The following ADAMTS20 variants were observed in gnomAD, a reference collection of about 807,000 sequenced individuals.
ADAMTS20 encodes ADAM metallopeptidase with thrombospondin type 1 motif 20, also known as A disintegrin and metalloproteinase with thrombospondin motifs 20.
ADAMTS20 carries 225 observed loss-of-function variants against 260.1 expected under a neutral mutation model. The ratio of observed to expected loss-of-function variants is 0.87; its 90% CI spans 0.78 to 0.97. The LOEUF (loss-of-function observed/expected upper bound fraction) is 0.97, where lower values mean the gene tolerates loss of function less well. Ranked by LOEUF, ADAMTS20 falls within the 50% of genes least tolerant of loss-of-function variation. ADAMTS20 has a pLI of 0.00. For synonymous variants in ADAMTS20, 802 were observed against 769.5 expected (o/e 1.04, Z -0.70); for missense variants, 2,400 against 2,337.7 (o/e 1.03, Z -0.55).
intron 29 of ADAMTS20, among the ~76,000 whole-genome samples, chr12:43,389,186 C>G (rs10880481): frequency 0.25 from 37,798 of 152,108 alleles, 5,301 homozygotes; most frequent in African/African-American, 0.38. Flanking sequence ...AGTCCAGACT[C>G]TCATCTCAGT....
At chr12:43,371,058 T>G in intron 36 of ADAMTS20, among the ~76,000 whole-genome samples, 1 of 152,222 alleles carries the variant, frequency 6.6e-6, no homozygotes, top group East Asian at 1.9e-4. Flanking sequence ...TTCAATTGTA[T>G]AGTTTAGTAT....
intron 2 of ADAMTS20, among the ~76,000 whole-genome samples, chr12:43,536,139 A>T (rs1281749002): frequency 3.3e-5 from 5 of 152,094 alleles, no homozygotes; most frequent in Non-Finnish European, 4.4e-5. Context: ...AATAATAATT[A>T]TTTAAAGTAA....
chr12:43,357,018 A>G (rs1416570265), intron 37 of ADAMTS20, among the ~76,000 whole-genome samples: 1 of 152,208 alleles, frequency 6.6e-6, no homozygotes, highest in Non-Finnish European at 1.5e-5. Context: ...TAAACACCAG[A>G]AACAGCGTGC....
At chr12:43,356,004 T>C (rs1369990360) in intron 38 of ADAMTS20, among the ~76,000 whole-genome samples, 1 of 152,004 alleles carries the variant, frequency 6.6e-6, no homozygotes, top group Non-Finnish European at 1.5e-5. Context: ...TTGAAAAAAC[T>C]GTGAAGAATA....
At chr12:43,483,109 C>T (rs1160983324) in intron 7 of ADAMTS20, among the ~76,000 whole-genome samples, 1 of 152,182 alleles carries the variant, frequency 6.6e-6, no homozygotes, top group African/African-American at 2.4e-5. Context: ...CTTCCACCTC[C>T]ATCAGAGCTG....
At chr12:43,416,697 T>C (rs916143349) in intron 28 of ADAMTS20, among the ~76,000 whole-genome samples, 1 of 151,910 alleles carries the variant, frequency 6.6e-6, no homozygotes, top group African/African-American at 2.4e-5. Context: ...ATTTTTTTGG[T>C]ATTTTTAGTA....
chr12:43,518,774 C>T (rs1943031912), intron 3 of ADAMTS20, among the ~76,000 whole-genome samples: 1 of 150,106 alleles, frequency 6.7e-6, no homozygotes, highest in Non-Finnish European at 1.5e-5. Flanking sequence ...CCACAGACTT[C>T]CTCATCTTAG....
At chr12:43,525,732 G>T (rs1323385503) in intron 3 of ADAMTS20, among the ~76,000 whole-genome samples, 1 of 151,950 alleles carries the variant, frequency 6.6e-6, no homozygotes, top group South Asian at 2.1e-4. Flanking sequence ...TCTTATATCA[G>T]ATAAAACAGA....
intron 7 of ADAMTS20, among the ~76,000 whole-genome samples, chr12:43,479,205 A>G (rs557373886): frequency 2.2e-4 from 33 of 152,358 alleles, no homozygotes; most frequent in African/African-American, 7.5e-4. Context: ...TCACTAAACT[A>G]TGTATCTAAT....
intron 36 of ADAMTS20, among the ~76,000 whole-genome samples, chr12:43,372,378 C>A (rs886962427): frequency 6.6e-6 from 1 of 152,108 alleles, no homozygotes; most frequent in Non-Finnish European, 1.5e-5. Flanking sequence ...GAAAACAAGA[C>A]TTTATCATTG....
chr12:43,397,178 A>G (rs188744992), intron 29 of ADAMTS20, among the ~76,000 whole-genome samples: 6 of 152,358 alleles, frequency 3.9e-5, no homozygotes, highest in Admixed American at 3.9e-4. Context: ...AGATCACAGT[A>G]TTCAAAGTAA....
At chr12:43,519,865 C>T (rs1234436531) in intron 3 of ADAMTS20, among the ~76,000 whole-genome samples, 1 of 152,110 alleles carries the variant, frequency 6.6e-6, no homozygotes, top group African/African-American at 2.4e-5. Flanking sequence ...CTTAATATCA[C>T]CTTGGTCTTT....
rs528060402 is a variant in ADAMTS20 at position 43,519,202 on chromosome 12, T to TA, written c.613+12833dup. 1.8e-3 allele frequency among the ~76,000 whole-genome samples: 268 copies of TA among 152,096 alleles called. 3 individuals carry two copies. In the East Asian group the frequency reaches 0.018, roughly 10 times the overall value. On this transcript the variant is annotated intron_variant, in intron 3 of 38. Transcript: ENST00000389420. Reference sequence around the variant, plus strand: ...TGTAGAGGTGGATTCACCATGAACCTAAAAAAAGCTTAAACTTTTGGTCTC... The same window carrying TA: ...TGTAGAGGTGGATTCACCATGAACCTAAAAAAAAGCTTAAACTTTTGGTCTC...
intron 3 of ADAMTS20, among the ~76,000 whole-genome samples, chr12:43,523,775 G>T (rs1223969748): frequency 6.6e-6 from 1 of 152,040 alleles, no homozygotes; most frequent in Non-Finnish European, 1.5e-5. Context: ...TTGACCCCCA[G>T]AGGGGTTGTT....
chr12:43,514,086 T>TAAAAAAAAAAAAAAAAAAA (rs71091163), intron 3 of ADAMTS20, among the ~76,000 whole-genome samples: 1 of 100,572 alleles, frequency 9.9e-6, no homozygotes. Flanking sequence ...GAATAAACTC[T>TAAAAAAAAAAAAAAAAAAA]AAAAAAAAAA....
intron 23 of ADAMTS20, 134 bp from the exon 24 acceptor site, chr12:43,429,858 C>A: frequency 1.7e-6 from 1 of 591,330 alleles, no homozygotes; most frequent in Non-Finnish European, 2.9e-6. Flanking sequence ...TGAATGTTTT[C>A]ATTTTCAAAA....
At chr12:43,392,943 A>T (rs1940625997) in intron 29 of ADAMTS20, among the ~76,000 whole-genome samples, 1 of 152,054 alleles carries the variant, frequency 6.6e-6, no homozygotes, top group Non-Finnish European at 1.5e-5. Context: ...TAATTTCTAA[A>T]TGTTATCTCC....
intron 28 of ADAMTS20, among the ~76,000 whole-genome samples, chr12:43,405,894 C>T (rs1288201406): frequency 6.6e-6 from 1 of 152,198 alleles, no homozygotes; most frequent in Non-Finnish European, 1.5e-5. Flanking sequence ...CACTTATAAC[C>T]ATATGGCTGG....
intron 28 of ADAMTS20, among the ~76,000 whole-genome samples, chr12:43,413,645 TA>T (rs1455635160): frequency 6.6e-6 from 1 of 152,208 alleles, no homozygotes; most frequent in African/African-American, 2.4e-5. Context: ...TGATTAAACA[TA>T]TCAAATTGAT....
Sources: allele counts gnomAD v4.1 joint callset (sites outside exome capture counted in the v4.1 genomes callset), GRCh38; gene constraint gnomAD v4.1.1; transcripts MANE v1.5; gene names NCBI Gene and HGNC (gene_info 2026-07-23, HGNC 2026-07-21).